Variants in FRMPD4 observed in about 807,000 individuals in gnomAD.
FRMPD4 encodes FERM and PDZ domain-containing protein 4.
In FRMPD4, 22 loss-of-function variants were observed where a neutral mutation model predicts 94.1. The ratio of observed to expected loss-of-function variants is 0.23; its 90% CI spans 0.17 to 0.33. FRMPD4 has a LOEUF of 0.33. Ranked by LOEUF, FRMPD4 falls within the 10% of genes least tolerant of loss-of-function variation. The pLI is 1.00. For synonymous variants in FRMPD4, 631 were observed against 548.6 expected (o/e 1.15, Z -2.10); for missense variants, 1,111 against 1,339.9 (o/e 0.83, Z 2.67).
intron 2 of FRMPD4, among the ~76,000 whole-genome samples, chrX:12,505,726 C>CA (rs1321030638): frequency 1.1e-3 from 42 of 37,278 alleles, no homozygotes; most frequent in African/African-American, 5.8e-3. Flanking sequence ...AAACTCCATC[C>CA]GAAAAAAAAA....
chrX:11,862,026 G>A (rs1043913027), intron 1 of FRMPD4, among the ~76,000 whole-genome samples: 1 of 110,359 alleles, frequency 9.1e-6, no homozygotes, highest in Non-Finnish European at 1.9e-5. Context: ...GGGGTTGGGG[G>A]AGGTGCCACA....
intron 1 of FRMPD4, among the ~76,000 whole-genome samples, chrX:12,484,112 G>A (rs1416219853): frequency 1.8e-5 from 2 of 111,889 alleles, no homozygotes; most frequent in Non-Finnish European, 3.8e-5. Context: ...ATTTGACTTA[G>A]TCTCCCTTCT....
chrX:12,560,718 C>T (rs1027268049), intron 2 of FRMPD4, among the ~76,000 whole-genome samples: 2 of 100,276 alleles, frequency 2.0e-5, no homozygotes, highest in Admixed American at 2.2e-4. Context: ...AAGGGTTCTC[C>T]CTAGTGTATG....
chrX:12,040,952 A>G (rs969379496), intron 3 of FRMPD4, among the ~76,000 whole-genome samples: 2 of 110,794 alleles, frequency 1.8e-5, no homozygotes, highest in African/African-American at 6.6e-5. Flanking sequence ...TTCTATTATT[A>G]AAAAAAATTT....
intron 3 of FRMPD4, among the ~76,000 whole-genome samples, chrX:12,109,443 T>C (rs927988801): frequency 2.7e-5 from 3 of 112,140 alleles, no homozygotes; most frequent in African/African-American, 9.7e-5. Flanking sequence ...GGGAAATTTA[T>C]AGCACTAAAT....
intron 2 of FRMPD4, among the ~76,000 whole-genome samples, chrX:12,544,632 G>T (rs999109777): frequency 9.0e-6 from 1 of 111,656 alleles, no homozygotes; most frequent in Non-Finnish European, 1.9e-5. Context: ...GACATCTAAG[G>T]TGATTCTTCT....
chrX:12,663,794 G>T (rs961316293), intron 4 of FRMPD4, among the ~76,000 whole-genome samples: 2 of 112,664 alleles, frequency 1.8e-5, no homozygotes, highest in African/African-American at 3.2e-5. Flanking sequence ...ACTTTTGACA[G>T]TATGGCCATT....
chrX:12,067,405 G>T (rs929103430), intron 3 of FRMPD4, among the ~76,000 whole-genome samples: 1 of 109,383 alleles, frequency 9.1e-6, no homozygotes, highest in East Asian at 2.9e-4. Context: ...TTGTTTGTTT[G>T]TTTGTTTTTG....
intron 4 of FRMPD4, among the ~76,000 whole-genome samples, chrX:12,646,692 C>T (rs748959661): frequency 3.6e-5 from 4 of 112,273 alleles, no homozygotes; most frequent in East Asian, 5.6e-4. Context: ...TGTTTATAAA[C>T]AGTCTCTGCA....
chrX:12,440,499 G>A (rs984037827), intron 1 of FRMPD4, among the ~76,000 whole-genome samples: 3 of 111,527 alleles, frequency 2.7e-5, no homozygotes, highest in Non-Finnish European at 3.8e-5. Flanking sequence ...GGATGTGAGT[G>A]ACCTGGCAGA....
intron 3 of FRMPD4, among the ~76,000 whole-genome samples, chrX:12,121,745 A>G (rs763798838): frequency 2.2e-4 from 25 of 111,610 alleles, no homozygotes; most frequent in Middle Eastern, 4.2e-3. Flanking sequence ...GCCTCACAAC[A>G]TGTCTCATTC....
At chrX:12,162,248 C>G (rs1198690632) in intron 1 of FRMPD4, among the ~76,000 whole-genome samples, 1 of 111,977 alleles carries the variant, frequency 8.9e-6, no homozygotes, top group African/African-American at 3.2e-5. Context: ...ACAGGTTTCT[C>G]ATATTTAACA....
chrX:12,530,931 G>A (rs1028260523), intron 2 of FRMPD4, among the ~76,000 whole-genome samples: 1 of 111,542 alleles, frequency 9.0e-6, no homozygotes, highest in Non-Finnish European at 1.9e-5. Context: ...GTGGATGGAT[G>A]TATGGATAAT....
chrX:12,122,595 C>CTTT lies in FRMPD4; in HGVS notation c.95+244588_95+244590dup, dbSNP rs35343477. On this transcript the variant is annotated intron_variant, in intron 3 of 18. Transcript: ENST00000640291. Reference sequence around the variant, plus strand: ...AGAAGAGTTGAACAATTAACTGTATCTTTTTTTTTTTTTCATGAACACTTT... The same window carrying CTTT: ...AGAAGAGTTGAACAATTAACTGTATCTTTTTTTTTTTTTTTTCATGAACACTTT... Among the ~76,000 whole-genome samples the CTTT allele has an allele frequency of 1.1e-4, 11 of 102,289 alleles. No individual in the cohort carries two copies. The South Asian group carries it at 1.8e-3, about 17-fold the overall frequency. The allele number at this position is 102,289 out of a possible 115,157, so 88.8% of individuals were successfully genotyped here.
At chrX:11,833,585 T>C (rs1334686162) in intron 1 of FRMPD4, among the ~76,000 whole-genome samples, 4 of 111,896 alleles carry the variant, frequency 3.6e-5, no homozygotes, top group Non-Finnish European at 5.6e-5. Flanking sequence ...AAATTCAGGA[T>C]ACTTTTAGTG....
chrX:12,678,382 G>A (rs902670892), intron 5 of FRMPD4, among the ~76,000 whole-genome samples: 22 of 112,428 alleles, frequency 2.0e-4, no homozygotes, highest in African/African-American at 7.1e-4. Context: ...GTTTGGCTCC[G>A]ATATACCGTC....
intron 3 of FRMPD4, among the ~76,000 whole-genome samples, chrX:12,039,927 C>A (rs1025716311): frequency 2.9e-5 from 3 of 102,299 alleles, no homozygotes; most frequent in Non-Finnish European, 5.9e-5. Flanking sequence ...TGATATCACA[C>A]CATTGCACTC....
intron 1 of FRMPD4, among the ~76,000 whole-genome samples, chrX:12,168,364 TG>T (rs34177625): frequency 0.21 from 17,729 of 85,532 alleles, 1,220 homozygotes; most frequent in South Asian, 0.38. Flanking sequence ...AAAGCCAGAT[TG>T]GGAAAAAAAA....
chrX:12,537,955 T>A (rs1425296471), intron 2 of FRMPD4, among the ~76,000 whole-genome samples: 1 of 110,950 alleles, frequency 9.0e-6, no homozygotes, highest in African/African-American at 3.3e-5. Context: ...ACAGGTGATT[T>A]CTGCATTTCC....
Sources: allele counts gnomAD v4.1 joint callset (sites outside exome capture counted in the v4.1 genomes callset), GRCh38; gene constraint gnomAD v4.1.1; transcripts MANE v1.5; gene names NCBI Gene and HGNC (gene_info 2026-07-23, HGNC 2026-07-21).